CACNB2: variants seen among roughly 807,000 people sequenced by gnomAD.
CACNB2 encodes the protein calcium voltage-gated channel auxiliary subunit beta 2.
A neutral mutation model predicts 73.3 loss-of-function variants in CACNB2; 42 were observed. That is an observed-to-expected ratio of 0.57 (90% CI 0.45 to 0.74). The LOEUF is 0.74. CACNB2 is among the 30% of genes least tolerant of loss of function. The pLI, the probability that CACNB2 is intolerant of heterozygous loss-of-function variation, is 0.00. For missense variants in CACNB2, 940 were observed against 853.0 expected (o/e 1.10, Z -1.27); for synonymous variants, 348 against 310.3 (o/e 1.12, Z -1.28).
At chr10:18,204,136 G>T (rs567879272) in intron 2 of CACNB2, among the ~76,000 whole-genome samples, 4 of 152,300 alleles carry the variant, frequency 2.6e-5, no homozygotes, top group South Asian at 4.1e-4. Flanking sequence ...TGTTCATTTT[G>T]CTTCCGTTGC....
intron 2 of CACNB2, among the ~76,000 whole-genome samples, chr10:18,215,104 CTT>C (rs1032563481): frequency 1.4e-4 from 4 of 28,620 alleles, no homozygotes; most frequent in African/African-American, 7.9e-4. Context: ...AATACTGAGA[CTT>C]TTTCCCTTCA....
rs2053922480 is a variant in CACNB2, at chr10:18,539,369, G to A, written c.1628G>A (p.Ser543Asn). 6.2e-7 allele frequency: 1 copy of A among 1,614,114 alleles called. No homozygotes were observed. The highest frequency in any genetic ancestry group is 8.5e-7 in the Non-Finnish European group (1 of 1,180,014). The stretch of plus-strand genomic sequence containing the variant: ...TCAGCCCCACACCACAACCATCGCA[G>A]TGGGACAAGTCGCGGCCTCTCCAGG... The part of the protein sequence containing the change: ...SSSAPHHNHR[S>N]GTSRGLSRQE... The change falls in exon 14 of 14, where the codon AGT (serine) becomes AAT (asparagine). Residue 543 changes from serine to asparagine, a missense_variant. Transcript: ENST00000324631.
chr10:18,442,635 G>A (rs997703539), intron 3 of CACNB2, among the ~76,000 whole-genome samples: 4 of 151,060 alleles, frequency 2.6e-5, no homozygotes, highest in Non-Finnish European at 2.9e-5. Context: ...GACCATCCTG[G>A]CCAACATGAT....
intron 2 of CACNB2, among the ~76,000 whole-genome samples, chr10:18,168,423 T>C (rs1169842913): frequency 6.6e-6 from 1 of 152,180 alleles, no homozygotes; most frequent in African/African-American, 2.4e-5. Context: ...AGTATCTTAC[T>C]TAAAGAGCCT....
chr10:18,182,664 T>C (rs1470751815), intron 2 of CACNB2, among the ~76,000 whole-genome samples: 1 of 151,572 alleles, frequency 6.6e-6, no homozygotes, highest in African/African-American at 2.4e-5. Context: ...TCTACTAAAA[T>C]ACAAAAGATT....
chr10:18,351,952 A>G (rs1455048137), intron 2 of CACNB2, among the ~76,000 whole-genome samples: 1 of 152,158 alleles, frequency 6.6e-6, no homozygotes, highest in Admixed American at 6.6e-5. Context: ...GAGAATTTCA[A>G]ATGTTCTACA....
chr10:18,451,908 C>T (rs116569861), intron 3 of CACNB2, among the ~76,000 whole-genome samples: 2,433 of 152,230 alleles, frequency 0.016, 57 homozygotes, highest in African/African-American at 0.055. Context: ...ATGTTGTCTT[C>T]ATAATCTATT....
chr10:18,443,018 A>ATATATATATATATGTATATATATATG (rs1564554330), intron 3 of CACNB2, among the ~76,000 whole-genome samples: 5 of 69,984 alleles, frequency 7.1e-5, no homozygotes, highest in South Asian at 9.1e-4. Context: ...ATATATGTAT[A>ATATATATATATATGTATATATATATG]TATATATATA....
intron 6 of CACNB2, among the ~76,000 whole-genome samples, chr10:18,507,769 A>G (rs2050569364): frequency 6.6e-6 from 1 of 152,204 alleles, no homozygotes; most frequent in Non-Finnish European, 1.5e-5. Context: ...AAAGCTGGAA[A>G]TGGGAAGAGA....
intron 2 of CACNB2, among the ~76,000 whole-genome samples, chr10:18,190,190 A>T (rs2034331654): frequency 6.6e-6 from 1 of 152,200 alleles, no homozygotes; most frequent in Admixed American, 6.5e-5. Context: ...ACTATCAGAA[A>T]GGGACATGCT....
chr10:18,177,488 G>A (rs1456392316), intron 2 of CACNB2, among the ~76,000 whole-genome samples: 1 of 149,546 alleles, frequency 6.7e-6, no homozygotes, highest in East Asian at 1.9e-4. Context: ...AAAAATAGCT[G>A]GGTGTGGTGG....
intron 2 of CACNB2, among the ~76,000 whole-genome samples, chr10:18,221,176 A>G (rs1469590956): frequency 6.6e-6 from 1 of 152,124 alleles, no homozygotes; most frequent in Non-Finnish European, 1.5e-5. Context: ...TTTTTCCTCG[A>G]ATCTTAAGAA....
At chr10:18,302,495 G>A (rs1034942024) in intron 2 of CACNB2, among the ~76,000 whole-genome samples, 1 of 152,180 alleles carries the variant, frequency 6.6e-6, no homozygotes, top group African/African-American at 2.4e-5. Flanking sequence ...CGATATGTAC[G>A]CAATGGAATA....
intron 2 of CACNB2, among the ~76,000 whole-genome samples, chr10:18,301,060 GGTA>G (rs1316188457): frequency 6.6e-6 from 1 of 152,158 alleles, no homozygotes; most frequent in African/African-American, 2.4e-5. Context: ...AGACTCTCAA[GGTA>G]GAGAGAAAAC....
intron 3 of CACNB2, among the ~76,000 whole-genome samples, chr10:18,496,521 G>C (rs993115920): frequency 6.6e-6 from 1 of 152,078 alleles, no homozygotes; most frequent in Non-Finnish European, 1.5e-5. Flanking sequence ...TTTTTTTAAA[G>C]AATAGGTTAA....
chr10:18,378,462 C>A (rs1299075493), intron 2 of CACNB2, among the ~76,000 whole-genome samples: 3 of 152,190 alleles, frequency 2.0e-5, no homozygotes, highest in African/African-American at 4.8e-5. Flanking sequence ...TTAGACTCCA[C>A]AGTTGGCCGG....
At chr10:18,308,990 A>G (rs371782870) in intron 2 of CACNB2, among the ~76,000 whole-genome samples, 1 of 152,284 alleles carries the variant, frequency 6.6e-6, no homozygotes, top group East Asian at 1.9e-4. Flanking sequence ...GAAGCAATGC[A>G]CAATTGCCCT....
At chr10:18,266,780 C>T (rs1248229117) in intron 2 of CACNB2, among the ~76,000 whole-genome samples, 1 of 152,144 alleles carries the variant, frequency 6.6e-6, no homozygotes, top group Non-Finnish European at 1.5e-5. Context: ...ATCCCAGCTA[C>T]TCGGGAGGCT....
chr10:18,144,741 C>A (rs1326932918), intron 1 of CACNB2, among the ~76,000 whole-genome samples: 1 of 152,178 alleles, frequency 6.6e-6, no homozygotes, highest in Non-Finnish European at 1.5e-5. Flanking sequence ...TGACATGTTG[C>A]AATGACCATG....
Sources: allele counts gnomAD v4.1 joint callset (sites outside exome capture counted in the v4.1 genomes callset), GRCh38; gene constraint gnomAD v4.1.1; transcripts MANE v1.5; gene names NCBI Gene and HGNC (gene_info 2026-07-23, HGNC 2026-07-21).